Variants in RBPJ observed in about 807,000 individuals in gnomAD.
The protein encoded by RBPJ is recombining binding protein suppressor of hairless.
In RBPJ, 9 loss-of-function variants were observed where a neutral mutation model predicts 67.8. That is an observed-to-expected ratio of 0.13 (90% CI 0.08 to 0.23). The LOEUF is 0.23. RBPJ is among the 10% of genes least tolerant of loss of function. RBPJ has a pLI of 1.00. For missense variants in RBPJ, 305 were observed against 595.6 expected (o/e 0.51, Z 5.08); for synonymous variants, 198 against 203.3 (o/e 0.97, Z 0.22).
intron 1 of RBPJ, among the ~76,000 whole-genome samples, chr4:26,209,910 T>C (rs965105872): frequency 2.9e-4 from 43 of 150,382 alleles, no homozygotes; most frequent in African/African-American, 1.0e-3. Context: ...TTCCCTCACC[T>C]CCTTTCCCAT....
intron 1 of RBPJ, among the ~76,000 whole-genome samples, chr4:26,239,075 A>G (rs1207725072): frequency 6.6e-6 from 1 of 152,048 alleles, no homozygotes; most frequent in African/African-American, 2.4e-5. Context: ...CACACACACC[A>G]CCAAAGCAAC....
intron 1 of RBPJ, among the ~76,000 whole-genome samples, chr4:26,354,772 A>T (rs1475058744): frequency 6.6e-6 from 1 of 152,198 alleles, no homozygotes; most frequent in African/African-American, 2.4e-5. Context: ...TACGTGGGAA[A>T]CTGATCAAAT....
At chr4:26,105,709 A>G in the RBPJ span, among the ~76,000 whole-genome samples, 10 of 152,260 alleles carry the variant, frequency 6.6e-5, no homozygotes, top group Non-Finnish European at 1.3e-4. Context: ...GAACAAAAAC[A>G]TGAGAAAAGA....
intron 1 of RBPJ, among the ~76,000 whole-genome samples, chr4:26,382,979 TAGAA>T (rs1730476414): frequency 6.6e-6 from 1 of 152,244 alleles, no homozygotes; most frequent in Non-Finnish European, 1.5e-5. Flanking sequence ...GCATATGCAT[TAGAA>T]AGATCAGGAT....
At chr4:26,171,589 C>A (rs765438001) in intron 1 of RBPJ, among the ~76,000 whole-genome samples, 1 of 152,082 alleles carries the variant, frequency 6.6e-6, no homozygotes, top group Non-Finnish European at 1.5e-5. Flanking sequence ...GTATAGTTAG[C>A]ATAAAGGAAT....
chr4:26,268,631 C>G (rs775286433), intron 1 of RBPJ, among the ~76,000 whole-genome samples: 5 of 152,180 alleles, frequency 3.3e-5, no homozygotes, highest in Admixed American at 1.3e-4. Flanking sequence ...TAAATCTTCT[C>G]AGCATCATTG....
At chr4:26,167,562 A>G (rs1716369618) in intron 1 of RBPJ, among the ~76,000 whole-genome samples, 1 of 144,310 alleles carries the variant, frequency 6.9e-6, no homozygotes, top group Non-Finnish European at 1.5e-5. Flanking sequence ...TTGTACATTA[A>G]TTTTGTATCC....
At chr4:26,267,124 T>G (rs1720727789) in intron 1 of RBPJ, among the ~76,000 whole-genome samples, 1 of 152,198 alleles carries the variant, frequency 6.6e-6, no homozygotes, top group African/African-American at 2.4e-5. Flanking sequence ...TGACTTCGCC[T>G]CTTCTTCCTG....
chr4:26,381,564 A>G (rs1730338128), intron 1 of RBPJ, among the ~76,000 whole-genome samples: 1 of 152,220 alleles, frequency 6.6e-6, no homozygotes, highest in South Asian at 2.1e-4. Flanking sequence ...AAATTAAAGT[A>G]AAATGAATTT....
At chr4:26,371,253 A>AT (rs1248026966) in intron 1 of RBPJ, among the ~76,000 whole-genome samples, 4 of 152,184 alleles carry the variant, frequency 2.6e-5, no homozygotes, top group Non-Finnish European at 5.9e-5. Flanking sequence ...ATAAAATTCC[A>AT]TAATAATCTT....
At chr4:26,150,563 G>A in the RBPJ span, among the ~76,000 whole-genome samples, 4 of 152,256 alleles carry the variant, frequency 2.6e-5, no homozygotes, top group East Asian at 1.9e-4. Flanking sequence ...GCAGCCTTAC[G>A]GAAGCTACTC....
At chr4:26,170,438 G>A (rs1226895557) in intron 1 of RBPJ, among the ~76,000 whole-genome samples, 1 of 152,012 alleles carries the variant, frequency 6.6e-6, no homozygotes, top group Non-Finnish European at 1.5e-5. Flanking sequence ...CTACTTGGGA[G>A]GCTGGGGTGG....
At chr4:26,300,595 C>T (rs142421953) in intron 1 of RBPJ, among the ~76,000 whole-genome samples, 47 of 152,312 alleles carry the variant, frequency 3.1e-4, no homozygotes, top group African/African-American at 1.1e-3. Flanking sequence ...CCGCCTCCCT[C>T]CCTCTCTAGC....
At chr4:26,135,996 A>G in the RBPJ span, among the ~76,000 whole-genome samples, 12 of 152,222 alleles carry the variant, frequency 7.9e-5, no homozygotes, top group African/African-American at 2.9e-4. Context: ...GAGACCTCAC[A>G]ATCACAGTGG....
upstream of RBPJ, among the ~76,000 whole-genome samples, chr4:26,316,615 G>GAT (rs1221658315): frequency 8.5e-5 from 11 of 129,488 alleles, no homozygotes; most frequent in Middle Eastern, 4.7e-3. Context: ...TACACATATT[G>GAT]ATATATATAT....
chr4:26,171,112 T>C (rs999109712), intron 1 of RBPJ, among the ~76,000 whole-genome samples: 1 of 152,222 alleles, frequency 6.6e-6, no homozygotes, highest in African/African-American at 2.4e-5. Flanking sequence ...AGTAATGAGA[T>C]ATTGTTGAAG....
chr4:26,358,153 C>G (rs1290891583), intron 1 of RBPJ, among the ~76,000 whole-genome samples: 1 of 151,564 alleles, frequency 6.6e-6, no homozygotes, highest in Non-Finnish European at 1.5e-5. Flanking sequence ...TATATAGATC[C>G]ATTGTTACAA....
the RBPJ span, among the ~76,000 whole-genome samples, chr4:26,130,336 C>T: frequency 1.3e-5 from 2 of 152,316 alleles, no homozygotes; most frequent in African/African-American, 4.8e-5. Context: ...GTGGTTACAT[C>T]TTCTCACTAT....
chr4:26,281,612 CTTA>C (rs1721276318), intron 1 of RBPJ, among the ~76,000 whole-genome samples: 1 of 152,130 alleles, frequency 6.6e-6, no homozygotes, highest in Non-Finnish European at 1.5e-5. Context: ...TTCTCTCTGA[CTTA>C]TTATTGTAAT....
Sources: allele counts gnomAD v4.1 joint callset (sites outside exome capture counted in the v4.1 genomes callset), GRCh38; gene constraint gnomAD v4.1.1; transcripts MANE v1.5; gene names NCBI Gene and HGNC (gene_info 2026-07-23, HGNC 2026-07-21).